The following GABPB1 variants were observed in gnomAD, a reference collection of about 807,000 sequenced individuals.
The protein encoded by GABPB1 is GA binding protein transcription factor subunit beta 1, also known as GA-binding protein subunit beta-1.
In GABPB1, 15 loss-of-function variants were observed where a neutral mutation model predicts 45.9. That is an observed-to-expected ratio of 0.33 (90% CI 0.22 to 0.50). The LOEUF is 0.50. GABPB1 is among the 20% of genes least tolerant of loss of function. The pLI is 0.98. For synonymous variants in GABPB1, 143 were observed against 154.4 expected, an observed-to-expected ratio of 0.93 and a Z score of 0.55; for missense variants, 252 against 457.5, an observed-to-expected ratio of 0.55 and a Z score of 4.10.
At chr15:50,313,075 A>G (rs1311922768) in intron 1 of GABPB1, among the ~76,000 whole-genome samples, 1 of 152,210 alleles carries the variant, frequency 6.6e-6, no homozygotes, top group Non-Finnish European at 1.5e-5. Flanking sequence ...TAATCAAAAT[A>G]AGAAATGGCA....
At chr15:50,299,018 C>T (rs946098596) in intron 6 of GABPB1, among the ~76,000 whole-genome samples, 4 of 150,952 alleles carry the variant, frequency 2.6e-5, no homozygotes, top group African/African-American at 9.7e-5. Flanking sequence ...ATTCCCCCAA[C>T]TCCTCCAAGT....
rs901622496 is a variant in GABPB1, at chr15:50,354,110, T to C, written c.-1+875A>G. On this transcript the variant is annotated intron_variant, in intron 1 of 8. Coordinates refer to ENST00000380877, the MANE Select transcript of GABPB1 (RefSeq NM_016654.5). ...TGGTTTCAGTTTTCACGATGCACCC[T>C]TGAGGCTAGGCACGCTGATTCAACA... The C allele has an allele frequency of 3.6e-5, 11 of 302,504 alleles. No individual in the cohort carries two copies. In the Admixed American group the frequency reaches 5.7e-4, roughly 16 times the overall value. 18.7% of individuals were successfully genotyped at this position (302,504 alleles called of 1,614,324 possible).
intron 1 of GABPB1, among the ~76,000 whole-genome samples, chr15:50,337,703 C>T (rs1250115224): frequency 6.6e-6 from 1 of 151,872 alleles, no homozygotes; most frequent in African/African-American, 2.4e-5. Context: ...GAAGTAGAGG[C>T]CTGCAGTGAG....
chr15:50,297,573 A>T (rs1316771927), intron 6 of GABPB1, among the ~76,000 whole-genome samples: 1 of 152,230 alleles, frequency 6.6e-6, no homozygotes, highest in Admixed American at 6.5e-5. Context: ...GGCCGGGTGC[A>T]GTGGCTCACA....
At position 50,276,950 on chromosome 15, in the gene GABPB1, T is replaced by C. The variant is rs1486594185; in HGVS notation, c.*1682A>G. 2 of 152,252 alleles carry C rather than the reference T, an allele frequency of 1.3e-5. No homozygotes were observed. Among genetic ancestry groups the C allele is most frequent in the African/African-American group, 2.4e-5 (1 of 41,464 alleles). 9.4% of individuals were successfully genotyped at this position (152,252 alleles called of 1,614,324 possible). A position where few individuals can be genotyped will look rare whatever the true frequency, so the allele number is the denominator to read the frequency against. ...TGGATCACTTAAAATATGTCAAATTTAGTGGAAAATTGAAAAAGATCTTTT... is the reference window on the plus strand; with the variant it reads ...TGGATCACTTAAAATATGTCAAATTCAGTGGAAAATTGAAAAAGATCTTTT... On this transcript the variant is annotated 3_prime_UTR_variant, in exon 9 of 9. Coordinates refer to ENST00000380877, the MANE Select transcript of GABPB1 (RefSeq NM_016654.5).
intron 1 of GABPB1, among the ~76,000 whole-genome samples, chr15:50,340,200 T>C (rs987303884): frequency 5.3e-5 from 8 of 152,174 alleles, no homozygotes; most frequent in African/African-American, 1.7e-4. Flanking sequence ...TCACCAGCCA[T>C]GGAATCTGCC....
At chr15:50,354,602 C>G (rs933142654) in intron 1 of GABPB1, 1 of 445,880 alleles carries the variant, frequency 2.2e-6, no homozygotes, top group African/African-American at 2.1e-5. Flanking sequence ...TCCAGTCGCC[C>G]GCAGAACCTC....
chr15:50,340,262 C>T (rs2048301995), intron 1 of GABPB1, among the ~76,000 whole-genome samples: 1 of 152,136 alleles, frequency 6.6e-6, no homozygotes, highest in South Asian at 2.1e-4. Context: ...AAATAAATTT[C>T]TATTGTTTAT....
Position 50,354,701 on chromosome 15 carries a change from G to A in GABPB1, c.-1+284C>T, listed in dbSNP as rs1259847452. On this transcript the variant is annotated intron_variant, in intron 1 of 8. Coordinates refer to ENST00000380877, the MANE Select transcript of GABPB1 (RefSeq NM_016654.5). ...GCCGCGAGGCGGCCGCGGCATGCTA[G>A]GGCCGAGGAGGGGGCGGCGGCCGCC... 1.2e-5 allele frequency: 4 copies of A among 337,276 alleles called. No homozygotes were observed. The Admixed American group carries it at 1.4e-4, about 12-fold the overall frequency. 20.9% of individuals were successfully genotyped at this position (337,276 alleles called of 1,614,324 possible).
chr15:50,303,463 C>A (rs1424992058), intron 3 of GABPB1, among the ~76,000 whole-genome samples: 1 of 152,142 alleles, frequency 6.6e-6, no homozygotes, highest in Non-Finnish European at 1.5e-5. Flanking sequence ...GCAGGCGGAT[C>A]ACAAGGTCAG....
intron 4 of GABPB1, among the ~76,000 whole-genome samples, chr15:50,301,629 A>G (rs1243939437): frequency 6.6e-6 from 1 of 152,164 alleles, no homozygotes; most frequent in Non-Finnish European, 1.5e-5. Flanking sequence ...AACAGAACAC[A>G]GAACAACTGG....
intron 1 of GABPB1, among the ~76,000 whole-genome samples, chr15:50,342,223 A>C (rs1027590476): frequency 2.6e-5 from 4 of 152,176 alleles, no homozygotes; most frequent in Non-Finnish European, 4.4e-5. Context: ...TTGTGGCCTT[A>C]ACACACTTCC....
At chr15:50,354,902 G>A (rs1369916960) in intron 1 of GABPB1, 83 bp downstream of exon 1, 1 of 217,566 alleles carries the variant, frequency 4.6e-6, no homozygotes, top group Non-Finnish European at 9.2e-6. Context: ...TGGGTTCCGG[G>A]GGAAGTGGAA....
intron 3 of GABPB1, 83 bp downstream of exon 3, chr15:50,303,883 G>A: frequency 2.0e-6 from 2 of 985,936 alleles, no homozygotes; most frequent in South Asian, 3.9e-5. Context: ...TACTAAGTAG[G>A]CATTTAACAA....
intron 1 of GABPB1, chr15:50,354,430 CCCCGCAGCACAGGGCGCCCAGGA>C: frequency 2.2e-6 from 1 of 449,980 alleles, no homozygotes; most frequent in South Asian, 1.6e-5. Flanking sequence ...CGCCTCTCGG[CCCCGCAGCACAGGGCGCCCAGGA>C]CCCGCCACCC....
intron 1 of GABPB1, among the ~76,000 whole-genome samples, chr15:50,321,554 T>C (rs941500096): frequency 1.3e-5 from 2 of 152,120 alleles, no homozygotes; most frequent in African/African-American, 4.8e-5. Context: ...GGCATTCTGT[T>C]AGCCAGGCAT....
chr15:50,326,661 C>CA lies in GABPB1; in HGVS notation c.1-16864dup, dbSNP rs34211265. On this transcript the variant is annotated intron_variant, in intron 1 of 8. Transcript: ENST00000380877. The stretch of plus-strand genomic sequence containing the variant: ...TGGGCAACAGAGTGAGACTCCGTCT[C>CA]AAAAAAAAAAATGAAAAACAAAAAT... 6.3e-3 allele frequency among the ~76,000 whole-genome samples: 907 copies of CA among 143,814 alleles called. 9 individuals carry two copies. The highest frequency in any genetic ancestry group is 0.021 in the African/African-American group (843 of 39,336). The allele number at this position is 143,814 out of a possible 152,430, so 94.3% of individuals were successfully genotyped here.
intron 1 of GABPB1, among the ~76,000 whole-genome samples, chr15:50,339,183 T>A (rs1016410453): frequency 3.9e-5 from 6 of 152,128 alleles, no homozygotes; most frequent in African/African-American, 1.2e-4. Flanking sequence ...CCAGGCATGG[T>A]GGTGCGTGCC....
intron 1 of GABPB1, among the ~76,000 whole-genome samples, chr15:50,341,993 T>C (rs2048391120): frequency 6.6e-6 from 1 of 152,200 alleles, no homozygotes; most frequent in African/African-American, 2.4e-5. Flanking sequence ...CACTTACCCC[T>C]TGGATTTATA....
Sources: allele counts gnomAD v4.1 joint callset (sites outside exome capture counted in the v4.1 genomes callset), GRCh38; gene constraint gnomAD v4.1.1; transcripts MANE v1.5; gene names NCBI Gene and HGNC (gene_info 2026-07-23, HGNC 2026-07-21).